The following FAM217B variants were observed in gnomAD, a reference collection of about 807,000 sequenced individuals.
FAM217B encodes protein FAM217B.
For missense variants in FAM217B, 463 were observed against 456.9 expected (o/e 1.01, Z -0.12); for synonymous variants, 163 against 173.0 (o/e 0.94, Z 0.45).
intron 1 of FAM217B, among the ~76,000 whole-genome samples, chr20:59,934,389 C>CAA (rs1305607488): frequency 1.3e-5 from 2 of 152,248 alleles, no homozygotes; most frequent in African/African-American, 4.8e-5. Context: ...GCGAAAGGGT[C>CAA]TCCTTGCCCC....
At chr20:59,939,378 G>A (rs570881754), upstream of FAM217B, 20 of 1,610,582 alleles carry the variant, frequency 1.2e-5, no homozygotes, top group Admixed American at 2.7e-4. Flanking sequence ...GCCAAGGTCC[G>A]AGCAAGTGAC....
chr20:59,944,978 A>G lies in FAM217B; in HGVS notation c.1035A>G (p.Gln345=), dbSNP rs1006175033. The change falls in exon 4 of 4, where the codon CAA becomes CAG. Residue 345 remains glutamine (Q), a synonymous_variant. Coordinates refer to ENST00000360816, the MANE Select transcript of FAM217B (RefSeq NM_022106.3). ...ATTCCTGTAAGGCCTCCAAAACACA[A>G]GCACATGCACATCCTAGGAAAAAGG... ...SADSCKASKT[Q]AHAHPRKKGK... The G allele has an allele frequency of 4.3e-6, 7 of 1,614,102 alleles. No homozygotes were observed. In the African/African-American group the frequency reaches 9.3e-5, roughly 22 times the overall value.
chr20:59,934,703 A>T (rs1325191755), intron 1 of FAM217B, among the ~76,000 whole-genome samples: 1 of 152,156 alleles, frequency 6.6e-6, no homozygotes, highest in Non-Finnish European at 1.5e-5. Flanking sequence ...CTTCAAATCA[A>T]AATTTAAAAT....
chr20:59,940,060 C>T, upstream of FAM217B: 1 of 731,426 alleles, frequency 1.4e-6, no homozygotes. Flanking sequence ...CCTCTCGGGC[C>T]CGGTGCGCCC....
At position 59,946,758 on chromosome 20, in the gene FAM217B, C is replaced by T. The variant is rs960643430; in HGVS notation, c.*1663C>T. ...GCTTTTTATGTGAACAAAAGATGTACATATAGTAAGTATTACTTCCGTAGT... is the reference window on the plus strand; with the variant it reads ...GCTTTTTATGTGAACAAAAGATGTATATATAGTAAGTATTACTTCCGTAGT... On this transcript the variant is annotated 3_prime_UTR_variant, in exon 4 of 4. Coordinates refer to ENST00000360816, the MANE Select transcript of FAM217B (RefSeq NM_022106.3). 1 of 167,064 alleles carries T rather than the reference C, an allele frequency of 6.0e-6. No individual in the cohort carries two copies. Among genetic ancestry groups the T allele is most frequent in the Non-Finnish European group, 1.5e-5 (1 of 68,114 alleles). 10.3% of individuals were successfully genotyped at this position (167,064 alleles called of 1,614,324 possible). A position where few individuals can be genotyped will look rare whatever the true frequency, so the allele number is the denominator to read the frequency against.
Position 59,944,685 on chromosome 20 carries a change from C to G in FAM217B, c.742C>G (p.Arg248Gly), listed in dbSNP as rs1256353486. ...QEGASKSGPS[R>G]KKAFHHEEIH... ...AGGGGCTTCAAAGTCAGGCCCTTCC[C>G]GAAAGAAAGCTTTTCACCATGAAGA... Residue 248 changes from arginine (R) to glycine (G), a missense_variant, in exon 4 of 4, where the codon CGA becomes GGA. Transcript: ENST00000360816. The G allele has an allele frequency of 2.5e-6, 4 of 1,614,066 alleles. No individual in the cohort carries two copies. Among genetic ancestry groups the G allele is most frequent in the Non-Finnish European group, 3.4e-6 (4 of 1,180,002 alleles).
In FAM217B at chr20:59,944,326, A is replaced by C. The variant is rs202105856; in HGVS notation, c.383A>C (p.Asp128Ala). 8.7e-6 allele frequency: 14 copies of C among 1,614,058 alleles called. No homozygotes were observed. In the Admixed American group the frequency reaches 1.0e-4, roughly 12 times the overall value. ...GAAGAAATTGATCCAGTTTACTTTGATCTTCACCCTGGTCAGGGCCATACA... is the reference window on the plus strand; with the variant it reads ...GAAGAAATTGATCCAGTTTACTTTGCTCTTCACCCTGGTCAGGGCCATACA... ...RAEEIDPVYFDLHPGQGHTKP... is the reference protein window; with the variant it reads ...RAEEIDPVYFALHPGQGHTKP... Residue 128 changes from aspartate to alanine, a missense_variant, in exon 4 of 4, where the codon GAT becomes GCT. Asp to Ala is a moderately radical substitution (Grantham distance 126). Coordinates refer to ENST00000360816, the MANE Select transcript of FAM217B (RefSeq NM_022106.3).
rs964814066 is a variant in FAM217B, at chr20:59,947,122, C to G, written c.*2027C>G. On this transcript the variant is annotated 3_prime_UTR_variant, in exon 4 of 4. Transcript: ENST00000360816. ...CCCGTCATGTATCCATGTGCATGCT[C>G]TTAGAGACCTTGAATGGTTGAGGGT... The G allele has an allele frequency of 6.0e-6, 1 of 167,100 alleles. No individual in the cohort carries two copies. The highest frequency in any genetic ancestry group is 1.5e-5 in the Non-Finnish European group (1 of 68,146). 10.4% of individuals were successfully genotyped at this position (167,100 alleles called of 1,614,324 possible).
intron 3 of FAM217B, among the ~76,000 whole-genome samples, 161 bp downstream of exon 3, chr20:59,942,673 A>C (rs2060912029): frequency 6.6e-6 from 1 of 152,188 alleles, no homozygotes; most frequent in Admixed American, 6.5e-5. Flanking sequence ...GTTTAAGCAT[A>C]ATAGTGGATA....
rs1170560369 is a variant in FAM217B, at chr20:59,942,259, TC to T, written c.-140del. 1 of 152,632 alleles carries T rather than the reference TC, an allele frequency of 6.6e-6. No individual in the cohort carries two copies. The highest frequency in any genetic ancestry group is 2.4e-5 in the African/African-American group (1 of 41,452). 9.5% of individuals were successfully genotyped at this position (152,632 alleles called of 1,614,324 possible). On this transcript the variant is annotated 5_prime_UTR_variant, in exon 2 of 4. Coordinates refer to ENST00000360816, the MANE Select transcript of FAM217B (RefSeq NM_022106.3). Reference sequence around the variant, plus strand: ...AATAAAGAAGTCACCTCCCCAGCTGTCATCATCTTCCAGCAGATTGAGCAAG... The same window carrying T: ...AATAAAGAAGTCACCTCCCCAGCTGTATCATCTTCCAGCAGATTGAGCAAG...
chr20:59,934,243 C>CG (rs1555889601), intron 1 of FAM217B, among the ~76,000 whole-genome samples: 2 of 152,308 alleles, frequency 1.3e-5, no homozygotes, highest in South Asian at 2.1e-4. Flanking sequence ...GGTCCGGAGA[C>CG]GGGGTGCTGA....
chr20:59,944,033 T>C lies in FAM217B; in HGVS notation c.90T>C (p.Ser30=), dbSNP rs368315244. ...GTAAATCCCAAGTACCCCACGCTTC[T>C]TCCCAGCCGAGAAGCAGCCTCACAG... ...RQSKSQVPHA[S]SQPRSSLTAV... The change falls in exon 4 of 4, where the codon TCT becomes TCC. Residue 30 remains serine, a synonymous_variant. Coordinates refer to ENST00000360816, the MANE Select transcript of FAM217B (RefSeq NM_022106.3). 2 of 1,614,176 alleles carry C rather than the reference T, an allele frequency of 1.2e-6. No homozygotes were observed. The highest frequency in any genetic ancestry group is 1.7e-6 in the Non-Finnish European group (2 of 1,180,036).
upstream of FAM217B, chr20:59,939,113 T>C (rs1424665969): frequency 1.9e-6 from 3 of 1,602,946 alleles, no homozygotes; most frequent in African/African-American, 1.3e-5. Context: ...GGCTGTAGTC[T>C]CGGTGGTCGT....
upstream of FAM217B, chr20:59,937,784 G>T (rs760305474): frequency 2.6e-5 from 4 of 152,548 alleles, no homozygotes; most frequent in Non-Finnish European, 2.9e-5. Flanking sequence ...TAACTCAGCA[G>T]GGGACAGTGG....
chr20:59,940,040 C>G (rs1174916890), upstream of FAM217B: 1 of 957,676 alleles, frequency 1.0e-6, no homozygotes, highest in Non-Finnish European at 1.4e-6. Flanking sequence ...TATCTGCAAC[C>G]TGCGGGGGAC....
intron 1 of FAM217B, 94 bp from the exon 2 acceptor site, chr20:59,942,104 T>C (rs2060908805): frequency 6.6e-6 from 1 of 152,626 alleles, no homozygotes; most frequent in Non-Finnish European, 1.5e-5. Flanking sequence ...TTCAATATTA[T>C]ACAAGTATTA....
chr20:59,948,223 C>G lies in FAM217B; in HGVS notation c.*3128C>G, dbSNP rs912325915. ...GACTAAATGGGCTGAAGACTTGTAACTAACTTGAATAGGATAGACTTCATA... is the reference window on the plus strand; with the variant it reads ...GACTAAATGGGCTGAAGACTTGTAAGTAACTTGAATAGGATAGACTTCATA... On this transcript the variant is annotated 3_prime_UTR_variant, in exon 4 of 4. Coordinates refer to ENST00000360816, the MANE Select transcript of FAM217B (RefSeq NM_022106.3). The G allele has an allele frequency of 6.0e-6, 1 of 166,982 alleles. No individual in the cohort carries two copies. The highest frequency in any genetic ancestry group is 2.4e-5 in the African/African-American group (1 of 41,410). 10.3% of individuals were successfully genotyped at this position (166,982 alleles called of 1,614,324 possible).
At chr20:59,936,152 C>T (rs978593612), upstream of FAM217B, among the ~76,000 whole-genome samples, 4 of 152,092 alleles carry the variant, frequency 2.6e-5, no homozygotes, top group Non-Finnish European at 5.9e-5. Context: ...CGGTAGACAA[C>T]TGTAACACAA....
At position 59,945,027 on chromosome 20, in the gene FAM217B, G is replaced by A. The variant is rs1438160971; in HGVS notation, c.1084G>A (p.Ala362Thr). 3.6e-5 allele frequency: 58 copies of A among 1,612,954 alleles called. No individual in the cohort carries two copies. Among genetic ancestry groups the A allele is most frequent in the Non-Finnish European group, 4.9e-5 (58 of 1,179,668 alleles). Residue 362 changes from alanine (A) to threonine (T), a missense_variant, in exon 4 of 4, where the codon GCC becomes ACC. By Grantham distance (58) the Ala-to-Thr change is moderately conservative. Coordinates refer to ENST00000360816, the MANE Select transcript of FAM217B (RefSeq NM_022106.3). ...KKGKAESCGH[A>T]TVSSEKKLKT... Reference sequence around the variant, plus strand: ...GGGAAAGGCAGAGAGCTGTGGTCATGCCACTGTATCGAGTGAGAAAAAACT... The same window carrying A: ...GGGAAAGGCAGAGAGCTGTGGTCATACCACTGTATCGAGTGAGAAAAAACT...
Sources: allele counts gnomAD v4.1 joint callset (sites outside exome capture counted in the v4.1 genomes callset), GRCh38; gene constraint gnomAD v4.1.1; transcripts MANE v1.5; gene names NCBI Gene and HGNC (gene_info 2026-07-23, HGNC 2026-07-21).